RBM34: variants seen among roughly 807,000 people sequenced by gnomAD.
RBM34 encodes RNA-binding protein 34.
In RBM34, 39 loss-of-function variants were observed where a neutral mutation model predicts 44.6. The observed-to-expected ratio is 0.87, with a 90% confidence interval of 0.68 to 1.14. The LOEUF (loss-of-function observed/expected upper bound fraction) is 1.14, where lower values mean the gene tolerates loss of function less well. Ranked by LOEUF, RBM34 falls within the 50% of genes most tolerant of loss-of-function variation. The probability of loss-of-function intolerance (pLI) is 0.00; values close to 1 mark genes in which losing one functional copy is unlikely to be tolerated. For missense variants in RBM34, 572 were observed against 517.9 expected, an observed-to-expected ratio of 1.10 and a Z score of -1.01; for synonymous variants, 194 against 184.0, an observed-to-expected ratio of 1.05 and a Z score of -0.44.
chr1:235,160,556 T>C lies in RBM34; in HGVS notation c.320A>G (p.Lys107Arg). 1 of 1,614,120 alleles carries C rather than the reference T, an allele frequency of 6.2e-7. No homozygotes were observed. Among genetic ancestry groups the C allele is most frequent in the Non-Finnish European group, 8.5e-7 (1 of 1,180,022 alleles). Residue 107 changes from lysine (K) to arginine (R), a missense_variant, in exon 3 of 11, where the codon AAA (lysine) becomes AGA (arginine). Lys to Arg is a conservative substitution (Grantham distance 26). Coordinates refer to ENST00000408888, the MANE Select transcript of RBM34 (RefSeq NM_015014.4). ...PLSQEPAKKVKAKKKHTNAEK... is the reference protein window; with the variant it reads ...PLSQEPAKKVRAKKKHTNAEK... ...TGCGTTAGTGTGTTTCTTCTTCGCTTTCACTTTTTTGGCAGGTTCTTGCGA... is the reference window on the plus strand; with the variant it reads ...TGCGTTAGTGTGTTTCTTCTTCGCTCTCACTTTTTTGGCAGGTTCTTGCGA...
chr1:235,137,774 T>C, intron 8 of RBM34, 103 bp downstream of exon 8: 2 of 863,428 alleles, frequency 2.3e-6, no homozygotes, highest in South Asian at 1.8e-5. Context: ...CCTTCTGCGC[T>C]TCCCTCACAT....
chr1:235,159,309 TG>T (rs763065784), intron 3 of RBM34, among the ~76,000 whole-genome samples: 36 of 151,816 alleles, frequency 2.4e-4, no homozygotes, highest in Non-Finnish European at 3.1e-4. Context: ...CCCAGCACCT[TG>T]GGAGGCGGAG....
chr1:235,137,926 A>G lies in RBM34; in HGVS notation c.800T>C (p.Ile267Thr). The change falls in exon 8 of 11, where the codon ATT becomes ACT. Residue 267 changes from isoleucine (I) to threonine (T), a missense_variant. Ile to Thr is a moderately conservative substitution (Grantham distance 89). Coordinates refer to ENST00000408888, the MANE Select transcript of RBM34 (RefSeq NM_015014.4). Reference protein sequence around the residue: ...TQALKRNGAQIADGFRIRVDL... With the variant: ...TQALKRNGAQTADGFRIRVDL... ...AACTCTAATACGAAATCCATCTGCA[A>G]TCTGGGCCCCATTTCTGTATTATAA... 6.2e-7 allele frequency: 1 copy of G among 1,604,712 alleles called. No individual in the cohort carries two copies. The highest frequency in any genetic ancestry group is 8.5e-7 in the Non-Finnish European group (1 of 1,172,996).
intron 10 of RBM34, among the ~76,000 whole-genome samples, chr1:235,134,988 C>G (rs1175498824): frequency 1.3e-5 from 2 of 151,994 alleles, no homozygotes; most frequent in East Asian, 3.9e-4. Context: ...AGGTGATCCA[C>G]CCGCCTCGGC....
intron 6 of RBM34, among the ~76,000 whole-genome samples, chr1:235,143,794 T>G (rs1315882245): frequency 6.6e-6 from 1 of 151,906 alleles, no homozygotes; most frequent in African/African-American, 2.4e-5. Flanking sequence ...CACAACACAA[T>G]AAACAGGTGA....
chr1:235,151,370 C>G (rs1170095731), intron 5 of RBM34, among the ~76,000 whole-genome samples: 1 of 152,108 alleles, frequency 6.6e-6, no homozygotes, highest in Non-Finnish European at 1.5e-5. Context: ...ACTAATGCAT[C>G]AGCCAAAGGT....
In RBM34 at chr1:235,152,773, TAAA is replaced by T; in HGVS notation, c.598-11_598-9del. The stretch of plus-strand genomic sequence containing the variant: ...AAAAAACGACTTCAGCTTCTAAAAT[TAAA>T]AAAAAAAATACACATTAGCTGACCT... On this transcript the variant is annotated splice_polypyrimidine_tract_variant and intron_variant, in intron 4 of 10. Transcript: ENST00000408888. 2 of 1,297,952 alleles carry T rather than the reference TAAA, an allele frequency of 1.5e-6. No homozygotes were observed. The highest frequency in any genetic ancestry group is 2.1e-6 in the Non-Finnish European group (2 of 960,666). The allele number at this position is 1,297,952 out of a possible 1,614,324, so 80.4% of individuals were successfully genotyped here.
intron 4 of RBM34, 147 bp from the exon 5 acceptor site, chr1:235,152,912 A>G (rs1662225994): frequency 1.6e-6 from 1 of 644,398 alleles, no homozygotes; most frequent in Non-Finnish European, 2.5e-6. Flanking sequence ...ACTTTCGCCC[A>G]GGCTGGAGTG....
At chr1:235,147,733 C>T (rs942701963) in intron 6 of RBM34, among the ~76,000 whole-genome samples, 8 of 152,194 alleles carry the variant, frequency 5.3e-5, no homozygotes, top group Middle Eastern at 3.4e-3. Context: ...AGAAATGTTT[C>T]TAAAGTACAT....
chr1:235,144,264 T>C (rs1242296196), intron 6 of RBM34, among the ~76,000 whole-genome samples: 1 of 151,040 alleles, frequency 6.6e-6, no homozygotes, highest in Non-Finnish European at 1.5e-5. Flanking sequence ...ATGATGACTC[T>C]ACTTATATAA....
intron 5 of RBM34, among the ~76,000 whole-genome samples, chr1:235,150,789 G>A (rs926329593): frequency 3.9e-5 from 6 of 152,216 alleles, no homozygotes; most frequent in African/African-American, 1.2e-4. Context: ...AATTTCAGTA[G>A]AGTGTACTAA....
Position 235,131,946 on chromosome 1 carries a change from C to G in RBM34, c.1060G>C (p.Gly354Arg), listed in dbSNP as rs1401024210. ...ALKLNNSELM[G>R]RKLRVMRSVN... ...GAACGCATGACTCTGAGTTTTCTCC[C>G]CATGAGTTCAGAATTATTTAATTTC... is the stretch of plus-strand genomic sequence containing the variant. Residue 354 changes from glycine (G) to arginine (R), a missense_variant, in exon 11 of 11, where the codon GGG (glycine) becomes CGG (arginine). Gly to Arg is a moderately radical substitution (Grantham distance 125, BLOSUM62 -2). Transcript: ENST00000408888. 2.5e-6 allele frequency: 4 copies of G among 1,610,918 alleles called. No homozygotes were observed. Among genetic ancestry groups the G allele is most frequent in the Non-Finnish European group, 3.4e-6 (4 of 1,178,434 alleles).
At chr1:235,149,115 G>A (rs190351187) in intron 5 of RBM34, among the ~76,000 whole-genome samples, 52 of 151,962 alleles carry the variant, frequency 3.4e-4, no homozygotes, top group Middle Eastern at 3.4e-3. Context: ...AAGGCCGGGC[G>A]CGGTGGCTCA....
At position 235,161,154 on chromosome 1, in the gene RBM34, T is replaced by G; in HGVS notation, c.53+20A>C. On this transcript the variant is annotated intron_variant, in intron 1 of 10. Coordinates refer to ENST00000408888, the MANE Select transcript of RBM34 (RefSeq NM_015014.4). ...ACGTACAACATCCCTCCCCAGGTAC[T>G]CGTGCCGCGCGCCACTCACCCCTCC... 1.3e-6 allele frequency: 2 copies of G among 1,599,562 alleles called. No homozygotes were observed. Among genetic ancestry groups the G allele is most frequent in the Non-Finnish European group, 1.7e-6 (2 of 1,170,090 alleles).
At chr1:235,154,121 T>C (rs1053543528) in intron 4 of RBM34, among the ~76,000 whole-genome samples, 4 of 151,428 alleles carry the variant, frequency 2.6e-5, no homozygotes, top group Admixed American at 2.6e-4. Flanking sequence ...TGGCGGGCGC[T>C]TGTAGTCCCA....
chr1:235,155,171 T>C, intron 3 of RBM34, 59 bp from the exon 4 acceptor site: 4 of 1,383,566 alleles, frequency 2.9e-6, no homozygotes, highest in Non-Finnish European at 4.0e-6. Flanking sequence ...GTCTAGTATT[T>C]GACAAAGCAC....
chr1:235,144,499 T>TAAAAAAAAA (rs67277220), intron 6 of RBM34, among the ~76,000 whole-genome samples: 1 of 132,236 alleles, frequency 7.6e-6, no homozygotes, highest in African/African-American at 2.7e-5. Context: ...CTTAATAAAC[T>TAAAAAAAAA]AAAAAAAAAA....
At chr1:235,136,906 T>A (rs1223987056) in intron 8 of RBM34, among the ~76,000 whole-genome samples, 1 of 152,224 alleles carries the variant, frequency 6.6e-6, no homozygotes. Flanking sequence ...GTTTCTGTCC[T>A]CACCATTTAT....
chr1:235,135,945 T>C, intron 9 of RBM34, 89 bp downstream of exon 9: 1 of 1,317,998 alleles, frequency 7.6e-7, no homozygotes, highest in Non-Finnish European at 1.1e-6. Flanking sequence ...AAAATTAGTC[T>C]TAAATCAAAA....
Sources: allele counts gnomAD v4.1 joint callset (sites outside exome capture counted in the v4.1 genomes callset), GRCh38; gene constraint gnomAD v4.1.1; transcripts MANE v1.5; gene names NCBI Gene and HGNC (gene_info 2026-07-23, HGNC 2026-07-21).